ADAMTS17: variants seen among roughly 807,000 people sequenced by gnomAD.
ADAMTS17 encodes the protein A disintegrin and metalloproteinase with thrombospondin motifs 17.
ADAMTS17 carries 113 observed loss-of-function variants against 141.5 expected under a neutral mutation model. That is an observed-to-expected ratio of 0.80 (90% CI 0.69 to 0.93). The LOEUF (loss-of-function observed/expected upper bound fraction) is 0.93, where lower values mean the gene tolerates loss of function less well. Ranked by LOEUF, ADAMTS17 falls within the 40% of genes least tolerant of loss-of-function variation. ADAMTS17 has a pLI of 0.00. For synonymous variants in ADAMTS17, 768 were observed against 630.6 expected (o/e 1.22, Z -3.27); for missense variants, 1,659 against 1,517.9 (o/e 1.09, Z -1.54).
chr15:99,974,816 G>A (rs1567627255), intron 21 of ADAMTS17, among the ~76,000 whole-genome samples: 1 of 152,252 alleles, frequency 6.6e-6, no homozygotes, highest in Non-Finnish European at 1.5e-5. Context: ...TCAGGGAAGA[G>A]GGCACAGGCC....
At chr15:100,039,970 T>A (rs1046860234) in intron 18 of ADAMTS17, among the ~76,000 whole-genome samples, 1 of 152,230 alleles carries the variant, frequency 6.6e-6, no homozygotes, top group South Asian at 2.1e-4. Context: ...TTCTAGTAGT[T>A]TTTTTAAAAA....
chr15:100,167,432 C>A (rs561072708), intron 8 of ADAMTS17, among the ~76,000 whole-genome samples: 177 of 152,274 alleles, frequency 1.2e-3, no homozygotes, highest in African/African-American at 4.2e-3. Context: ...CCCAGATGGT[C>A]GTGCGGATGC....
chr15:100,083,053 G>C (rs766407102), intron 15 of ADAMTS17, among the ~76,000 whole-genome samples: 1 of 152,188 alleles, frequency 6.6e-6, no homozygotes, highest in African/African-American at 2.4e-5. Flanking sequence ...TGGAAATATG[G>C]AAGTAACACA....
chr15:100,198,169 G>A (rs958975326), intron 8 of ADAMTS17, among the ~76,000 whole-genome samples: 2 of 151,824 alleles, frequency 1.3e-5, no homozygotes, highest in Non-Finnish European at 2.9e-5. Context: ...ACTTAGAGTA[G>A]AATTAAAAAC....
intron 18 of ADAMTS17, among the ~76,000 whole-genome samples, chr15:100,031,767 T>A (rs1157164225): frequency 6.6e-6 from 1 of 152,236 alleles, no homozygotes; most frequent in Non-Finnish European, 1.5e-5. Flanking sequence ...TACTAAGACC[T>A]ACTAAGCTCT....
In ADAMTS17 at chr15:100,155,074, A is replaced by C. The variant is rs2039367732; in HGVS notation, c.1322+106T>G. On this transcript the variant is annotated intron_variant, in intron 9 of 21. Coordinates refer to ENST00000268070, the MANE Select transcript of ADAMTS17 (RefSeq NM_139057.4). ...CCTCCTGAGGCTAGATGCAAATCCC[A>C]AAAGAGAGTCATTTCTCCACTTCAC... The C allele has an allele frequency of 1.9e-6, 3 of 1,564,838 alleles. No individual in the cohort carries two copies. In the Admixed American group the frequency reaches 5.1e-5, roughly 27 times the overall value.
In ADAMTS17 at chr15:100,049,005, C is replaced by T. The variant is rs756196431; in HGVS notation, c.2456-13G>A. On this transcript the variant is annotated splice_polypyrimidine_tract_variant and intron_variant, in intron 17 of 21. Transcript: ENST00000268070. ...GTTCTGCGCTCCCCTGGAAACCAAA[C>T]CACAGGGAGCTGAGAGACTGTGGCT... 3 of 1,614,162 alleles carry T rather than the reference C, an allele frequency of 1.9e-6. No homozygotes were observed. The highest frequency in any genetic ancestry group is 2.2e-5 in the East Asian group (1 of 44,876).
chr15:100,259,636 T>C (rs926607772), intron 6 of ADAMTS17, among the ~76,000 whole-genome samples: 1 of 152,268 alleles, frequency 6.6e-6, no homozygotes, highest in Non-Finnish European at 1.5e-5. Flanking sequence ...TAACTGATTG[T>C]CTATGATAGA....
chr15:100,108,628 G>C (rs559265311), intron 14 of ADAMTS17, among the ~76,000 whole-genome samples: 27 of 152,356 alleles, frequency 1.8e-4, no homozygotes, highest in Non-Finnish European at 3.2e-4. Context: ...CATTGGCTCA[G>C]TTCTGCCGTC....
chr15:100,107,657 T>C (rs2036491226), intron 14 of ADAMTS17, among the ~76,000 whole-genome samples: 1 of 151,862 alleles, frequency 6.6e-6, no homozygotes. Flanking sequence ...AGGGCCCCCA[T>C]AAAAGAGACT....
At chr15:99,986,426 T>G (rs1451617344) in intron 20 of ADAMTS17, among the ~76,000 whole-genome samples, 3 of 152,102 alleles carry the variant, frequency 2.0e-5, no homozygotes, top group African/African-American at 7.2e-5. Flanking sequence ...AGCACACAGA[T>G]CCTTGAACAT....
At chr15:100,051,836 G>GTTTCT (rs2032174269) in intron 16 of ADAMTS17, 105 bp from the exon 17 acceptor site, 2 of 1,414,824 alleles carry the variant, frequency 1.4e-6, no homozygotes, top group East Asian at 4.6e-5. Context: ...TTTATGAGGG[G>GTTTCT]TAACCAGCTC....
At chr15:100,246,910 G>A (rs561371411) in intron 7 of ADAMTS17, among the ~76,000 whole-genome samples, 2 of 140,202 alleles carry the variant, frequency 1.4e-5, no homozygotes, top group Non-Finnish European at 3.1e-5. Context: ...TTGAGACAAT[G>A]TCTCTCTCTG....
Position 100,115,294 on chromosome 15 carries a change from G to A in ADAMTS17, c.1888+1553C>T, listed in dbSNP as rs145751692. On this transcript the variant is annotated intron_variant, in intron 13 of 21. Transcript: ENST00000268070. Reference sequence around the variant, plus strand: ...GGCAAAGGCCGGTGTGCAACTGCACGGCTCCAGCCGCACACGTTCCTTCTA... The same window carrying A: ...GGCAAAGGCCGGTGTGCAACTGCACAGCTCCAGCCGCACACGTTCCTTCTA... Among the ~76,000 whole-genome samples, 595 of 152,316 alleles carry A rather than the reference G, an allele frequency of 3.9e-3. 2 individuals carry two copies. Among genetic ancestry groups the A allele is most frequent in the African/African-American group, 0.013 (521 of 41,572 alleles).
intron 20 of ADAMTS17, among the ~76,000 whole-genome samples, chr15:99,991,988 CAG>C (rs1191789896): frequency 5.9e-5 from 9 of 151,718 alleles, no homozygotes; most frequent in Non-Finnish European, 8.8e-5. Flanking sequence ...CATATGGACA[CAG>C]GGAGGGGAAC....
intron 2 of ADAMTS17, among the ~76,000 whole-genome samples, chr15:100,334,990 G>C (rs185107323): frequency 6.6e-6 from 1 of 152,096 alleles, no homozygotes; most frequent in Non-Finnish European, 1.5e-5. Flanking sequence ...CTCCCCATAC[G>C]GCTAGCCCCA....
chr15:100,061,776 A>G (rs1020978999), intron 15 of ADAMTS17, among the ~76,000 whole-genome samples: 3 of 152,188 alleles, frequency 2.0e-5, no homozygotes, highest in African/African-American at 7.2e-5. Flanking sequence ...GGCTTGATGG[A>G]AGAACCACTA....
chr15:100,086,887 C>G (rs577021079), intron 15 of ADAMTS17, among the ~76,000 whole-genome samples: 193 of 152,204 alleles, frequency 1.3e-3, no homozygotes, highest in African/African-American at 4.6e-3. Flanking sequence ...CAAGAGAAAG[C>G]AGGAAAGATC....
intron 3 of ADAMTS17, among the ~76,000 whole-genome samples, chr15:100,298,068 G>A (rs748104468): frequency 6.6e-6 from 1 of 152,018 alleles, no homozygotes; most frequent in African/African-American, 2.4e-5. Context: ...GTGCTCGTGG[G>A]GACAGATGCA....
Sources: allele counts gnomAD v4.1 joint callset (sites outside exome capture counted in the v4.1 genomes callset), GRCh38; gene constraint gnomAD v4.1.1; transcripts MANE v1.5; gene names NCBI Gene and HGNC (gene_info 2026-07-23, HGNC 2026-07-21).